The following RAB14 variants were observed in gnomAD, a reference collection of about 807,000 sequenced individuals.
RAB14 encodes RAB14, member RAS oncogene family.
RAB14 carries 3 observed loss-of-function variants against 31.1 expected under a neutral mutation model. The ratio of observed to expected loss-of-function variants is 0.10; its 90% confidence interval spans 0.04 to 0.25. The LOEUF (loss-of-function observed/expected upper bound fraction) is 0.25, where lower values mean the gene tolerates loss of function less well. Among genes scored for constraint, RAB14 ranks in the 10% least tolerant of loss-of-function variants. The pLI, the probability that RAB14 is intolerant of heterozygous loss-of-function variation, is 1.00. For missense variants in RAB14, 111 were observed against 260.1 expected (o/e 0.43, Z 3.94); for synonymous variants, 85 against 84.9 (o/e 1.00, Z 0.00).
At chr9:121,193,501 T>A in intron 1 of RAB14, 82 bp from the exon 2 acceptor site, 1 of 892,408 alleles carries the variant, frequency 1.1e-6, no homozygotes, top group Non-Finnish European at 1.8e-6. Flanking sequence ...CCTTTAAAGG[T>A]AGAAAAGGAC....
At chr9:121,201,447 G>A (rs1329517509) in intron 1 of RAB14, among the ~76,000 whole-genome samples, 192 bp downstream of exon 1, 1 of 152,044 alleles carries the variant, frequency 6.6e-6, no homozygotes, top group Non-Finnish European at 1.5e-5. Flanking sequence ...CTCCGCCCCC[G>A]CCCAGGAGTC....
chr9:121,200,145 G>A (rs541594725), intron 1 of RAB14, among the ~76,000 whole-genome samples: 3 of 152,126 alleles, frequency 2.0e-5, no homozygotes, highest in Non-Finnish European at 4.4e-5. Flanking sequence ...AGTACTGGAG[G>A]GAGAACCCTT....
At chr9:121,190,428 T>TA in intron 4 of RAB14, 126 bp downstream of exon 4, 1 of 919,588 alleles carries the variant, frequency 1.1e-6, no homozygotes, top group Non-Finnish European at 1.5e-6. Flanking sequence ...TAAGAAACCA[T>TA]AAAAAACAAG....
chr9:121,198,098 G>C (rs1448445862), intron 1 of RAB14, among the ~76,000 whole-genome samples: 1 of 151,534 alleles, frequency 6.6e-6, no homozygotes, highest in Non-Finnish European at 1.5e-5. Flanking sequence ...AAAAATACAT[G>C]GACAGGAGAA....
chr9:121,183,289 A>T (rs1357698813), intron 6 of RAB14, 22 bp downstream of exon 6: 2 of 1,572,254 alleles, frequency 1.3e-6, no homozygotes, highest in Non-Finnish European at 8.7e-7. Context: ...AATTGTGACC[A>T]TTAAGTCTTA....
chr9:121,191,400 C>A (rs1166865041), intron 3 of RAB14, among the ~76,000 whole-genome samples: 1 of 152,094 alleles, frequency 6.6e-6, no homozygotes, highest in African/African-American at 2.4e-5. Context: ...TGCAGTAGCA[C>A]AAGCATAGCT....
intron 7 of RAB14, among the ~76,000 whole-genome samples, chr9:121,181,873 G>A (rs948327589): frequency 3.5e-5 from 5 of 143,726 alleles, no homozygotes; most frequent in African/African-American, 5.0e-5. Flanking sequence ...TCAGCCTCCC[G>A]AGTAGCTGGG....
intron 1 of RAB14, among the ~76,000 whole-genome samples, chr9:121,197,649 G>A (rs2053725673): frequency 6.6e-6 from 1 of 152,212 alleles, no homozygotes; most frequent in African/African-American, 2.4e-5. Context: ...AGGTACAGAT[G>A]TGAAGGTATA....
chr9:121,178,448 T>C lies in RAB14; in HGVS notation c.*2948A>G, dbSNP rs919462692. 6.6e-5 allele frequency: 10 copies of C among 152,638 alleles called. No individual in the cohort carries two copies. Among genetic ancestry groups the C allele is most frequent in the Non-Finnish European group, 7.3e-5 (5 of 68,038 alleles). 9.5% of individuals were successfully genotyped at this position (152,638 alleles called of 1,614,324 possible). ...TAAAATGCCACATGAACCCTCTCTA[T>C]ATTCCCACATGAAGAGGAATGGAAG... On this transcript the variant is annotated 3_prime_UTR_variant, in exon 8 of 8. Transcript: ENST00000373840.
chr9:121,181,436 G>A lies in RAB14; in HGVS notation c.608C>T (p.Thr203Ile), dbSNP rs144456569. Reference protein sequence around the residue: ...KPSAPQGGRLTSEPQPQREGC... With the variant: ...KPSAPQGGRLISEPQPQREGC... ...TTCTCTCTGGGGTTGGGGTTCACTG[G>A]TTAGCCGGCCTCCCTGCGGGGCTGA... Residue 203 changes from threonine to isoleucine, a missense_variant, in exon 8 of 8, where the codon ACC becomes ATC. Transcript: ENST00000373840. The A allele has an allele frequency of 3.4e-5, 54 of 1,611,096 alleles. No individual in the cohort carries two copies. In the African/African-American group the frequency reaches 7.1e-4, roughly 21 times the overall value.
chr9:121,197,063 T>C (rs1021029886), intron 1 of RAB14, among the ~76,000 whole-genome samples: 36 of 152,110 alleles, frequency 2.4e-4, no homozygotes, highest in African/African-American at 8.7e-4. Flanking sequence ...ACCATGATTT[T>C]CTCTAAGGTA....
chr9:121,192,113 A>G, intron 3 of RAB14, 58 bp downstream of exon 3: 1 of 1,313,732 alleles, frequency 7.6e-7, no homozygotes. Flanking sequence ...ACTTTCTAAA[A>G]AGTAGAAACA....
At chr9:121,189,383 T>C (rs906916339) in intron 4 of RAB14, among the ~76,000 whole-genome samples, 1 of 152,126 alleles carries the variant, frequency 6.6e-6, no homozygotes, top group Admixed American at 6.6e-5. Flanking sequence ...AGAAATGCAT[T>C]CCTTATAAAA....
rs2053623731 is a variant in RAB14 at position 121,179,890 on chromosome 9, C to G, written c.*1506G>C. On this transcript the variant is annotated 3_prime_UTR_variant, in exon 8 of 8. Transcript: ENST00000373840. ...TTTCTATAGTACGCTGAGGTGTTAC[C>G]TATTCTATTTCAAATAAATTCTCAA... is the stretch of plus-strand genomic sequence containing the variant. 1 of 152,470 alleles carries G rather than the reference C, an allele frequency of 6.6e-6. No homozygotes were observed. The highest frequency in any genetic ancestry group is 2.4e-5 in the African/African-American group (1 of 41,400). 9.4% of individuals were successfully genotyped at this position (152,470 alleles called of 1,614,324 possible). A position where few individuals can be genotyped will look rare whatever the true frequency, so the allele number is the denominator to read the frequency against.
Position 121,178,355 on chromosome 9 carries a change from AT to A in RAB14, c.*3040del, listed in dbSNP as rs1250795742. The A allele has an allele frequency of 1.3e-5, 2 of 152,462 alleles. No individual in the cohort carries two copies. The highest frequency in any genetic ancestry group is 2.9e-5 in the Non-Finnish European group (2 of 68,030). 9.4% of individuals were successfully genotyped at this position (152,462 alleles called of 1,614,324 possible). A position where few individuals can be genotyped will look rare whatever the true frequency, so the allele number is the denominator to read the frequency against. ...TGCTAAAAGGCCTGGCCTAGTCACA[AT>A]TACTGACATCCTTCTGGGACACAAT... is the stretch of plus-strand genomic sequence containing the variant. On this transcript the variant is annotated 3_prime_UTR_variant, in exon 8 of 8. Transcript: ENST00000373840.
chr9:121,193,384 T>G lies in RAB14; in HGVS notation c.29A>C (p.Tyr10Ser). The change falls in exon 2 of 8, where the codon TAC becomes TCC. Residue 10 changes from tyrosine (Y) to serine (S), a missense_variant. Coordinates refer to ENST00000373840, the MANE Select transcript of RAB14 (RefSeq NM_016322.4). ...ACCAATAATAATATATTTAAAGATG[T>G]AAGAGTAGTTGTATGGTGCAGTTGC... MATAPYNYS[Y>S]IFKYIIIGDM... The G allele has an allele frequency of 6.3e-7, 1 of 1,585,756 alleles. No individual in the cohort carries two copies. The highest frequency in any genetic ancestry group is 8.6e-7 in the Non-Finnish European group (1 of 1,168,718).
In RAB14 at chr9:121,180,577, G is replaced by A. The variant is rs1279808377; in HGVS notation, c.*819C>T. On this transcript the variant is annotated 3_prime_UTR_variant, in exon 8 of 8. Coordinates refer to ENST00000373840, the MANE Select transcript of RAB14 (RefSeq NM_016322.4). ...CCAGTACTACTTGTGAACTGCAGTT[G>A]TGTCTATTTCTTTGTGTGAAATGGA... 6.6e-6 allele frequency: 1 copy of A among 152,620 alleles called. No individual in the cohort carries two copies. The highest frequency in any genetic ancestry group is 2.4e-5 in the African/African-American group (1 of 41,434). 9.5% of individuals were successfully genotyped at this position (152,620 alleles called of 1,614,324 possible).
chr9:121,189,801 C>T (rs1440408309), intron 4 of RAB14, among the ~76,000 whole-genome samples: 1 of 152,056 alleles, frequency 6.6e-6, no homozygotes, highest in Non-Finnish European at 1.5e-5. Flanking sequence ...CATCTTTACC[C>T]CCAAGAAACA....
chr9:121,181,687 T>G, intron 7 of RAB14, 114 bp from the exon 8 acceptor site: 1 of 674,522 alleles, frequency 1.5e-6, no homozygotes, highest in Non-Finnish European at 2.4e-6. Context: ...TTAACCACTG[T>G]CATCTAATAA....
Sources: gnomAD v4.1 joint callset for allele counts (sites outside exome capture counted in the v4.1 genomes callset) on GRCh38, gnomAD v4.1.1 for gene constraint, MANE v1.5 for transcripts, NCBI Gene and HGNC (gene_info 2026-07-23, HGNC 2026-07-21) for gene names.